Variants in BRD7 observed in about 807,000 individuals in gnomAD.
BRD7 encodes the protein bromodomain-containing protein 7.
BRD7 carries 15 observed loss-of-function variants against 82.1 expected under a neutral mutation model. That is an observed-to-expected ratio of 0.18 (90% confidence interval 0.12 to 0.28). BRD7 has a LOEUF of 0.28. Ranked by LOEUF, BRD7 falls within the 10% of genes least tolerant of loss-of-function variation. The pLI, the probability that BRD7 is intolerant of heterozygous loss-of-function variation, is 1.00. For missense variants in BRD7, 638 were observed against 779.9 expected, an observed-to-expected ratio of 0.82 and a Z score of 2.17; for synonymous variants, 232 against 266.9, an observed-to-expected ratio of 0.87 and a Z score of 1.27.
At chr16:50,333,280 G>T (rs1483785408) in intron 8 of BRD7, among the ~76,000 whole-genome samples, 1 of 152,182 alleles carries the variant, frequency 6.6e-6, no homozygotes, top group African/African-American at 2.4e-5. Context: ...AAGAGGGTAA[G>T]ATTAATCATG....
intron 4 of BRD7, among the ~76,000 whole-genome samples, chr16:50,354,084 G>A (rs762515242): frequency 2.3e-4 from 35 of 152,070 alleles, no homozygotes; most frequent in Non-Finnish European, 4.7e-4. Flanking sequence ...GGCATGATAA[G>A]CATTGTACAA....
chr16:50,319,115 AAC>A lies in BRD7; in HGVS notation c.*94_*95del. ...TTCGCTGTTCCAAAGTTTAATTAAAAACACAATTTACAAATATTTAATATCTT... is the reference window on the plus strand; with the variant it reads ...TTCGCTGTTCCAAAGTTTAATTAAAAACAATTTACAAATATTTAATATCTT... On this transcript the variant is annotated 3_prime_UTR_variant, in exon 17 of 17. Coordinates refer to ENST00000394688, the MANE Select transcript of BRD7 (RefSeq NM_013263.5). 3 of 1,235,336 alleles carry A rather than the reference AAC, an allele frequency of 2.4e-6. No homozygotes were observed. The highest frequency in any genetic ancestry group is 3.4e-6 in the Non-Finnish European group (3 of 879,730). The allele number at this position is 1,235,336 out of a possible 1,614,324, so 76.5% of individuals were successfully genotyped here.
intron 2 of BRD7, among the ~76,000 whole-genome samples, chr16:50,356,775 T>C (rs898703110): frequency 3.9e-5 from 6 of 151,916 alleles, no homozygotes; most frequent in African/African-American, 1.5e-4. Flanking sequence ...TGGCTAAATG[T>C]TGAGATCTGT....
chr16:50,319,305 T>A, intron 16 of BRD7, 39 bp from the exon 17 acceptor site: 2 of 1,592,420 alleles, frequency 1.3e-6, no homozygotes, highest in Non-Finnish European at 8.6e-7. Context: ...ACATTGTTTT[T>A]ACCTTTTAAT....
Position 50,318,983 on chromosome 16 carries a change from A to T in BRD7, c.*228T>A. The T allele has an allele frequency of 2.2e-6, 1 of 453,392 alleles. No individual in the cohort carries two copies. The highest frequency in any genetic ancestry group is 4.0e-6 in the Non-Finnish European group (1 of 252,000). 28.1% of individuals were successfully genotyped at this position (453,392 alleles called of 1,614,324 possible). ...AGAAGCATTGGAAGGCACTATTTTG[A>T]AAGAATGCTGCACAGGTATGGCAAC... is the stretch of plus-strand genomic sequence containing the variant. On this transcript the variant is annotated 3_prime_UTR_variant, in exon 17 of 17. Transcript: ENST00000394688.
At chr16:50,365,038 G>C (rs1190064114) in intron 2 of BRD7, among the ~76,000 whole-genome samples, 1 of 152,216 alleles carries the variant, frequency 6.6e-6, no homozygotes, top group Non-Finnish European at 1.5e-5. Flanking sequence ...TTGCAGAACA[G>C]AGAAAGCAAG....
At chr16:50,319,323 GGGACA>G in intron 16 of BRD7, 57 bp from the exon 17 acceptor site, 1 of 1,546,036 alleles carries the variant, frequency 6.5e-7, no homozygotes, top group Non-Finnish European at 8.9e-7. Context: ...AATTAAAAAG[GGGACA>G]TGAAAGTCAA....
rs113081201 is a variant in BRD7, at chr16:50,322,030, A to T, written c.1452T>A (p.Pro484=). 1 of 1,610,436 alleles carries T rather than the reference A, an allele frequency of 6.2e-7. No homozygotes were observed. Among genetic ancestry groups the T allele is most frequent in the African/African-American group, 1.3e-5 (1 of 74,738 alleles). Residue 484 remains proline (P), a synonymous_variant, in exon 13 of 17, where the codon CCT becomes CCA. Coordinates refer to ENST00000394688, the MANE Select transcript of BRD7 (RefSeq NM_013263.5). ...GTGTCCTAGTATGGCCTTCATCTTC[A>T]GGCAATGACTATAAGGATGAAGAAA... ...RTLQEMEMSL[P]EDEGHTRTLD...
chr16:50,319,836 G>T (rs1304706547), intron 16 of BRD7, 51 bp downstream of exon 16: 2 of 1,578,206 alleles, frequency 1.3e-6, no homozygotes, highest in South Asian at 1.2e-5. Flanking sequence ...ACTGAGGGAT[G>T]ACTATAGTCA....
At chr16:50,320,953 C>T (rs1038834699) in intron 13 of BRD7, among the ~76,000 whole-genome samples, 179 bp from the exon 14 acceptor site, 6 of 152,200 alleles carry the variant, frequency 3.9e-5, no homozygotes, top group Non-Finnish European at 8.8e-5. Context: ...AAATGCTATT[C>T]CCAAATCTTG....
rs1321664373 is a variant in BRD7 at position 50,317,356 on chromosome 16, G to A, written c.*1855C>T. ...ACATGAATACTATACTGAAATCTGT[G>A]CTCTCAAGATCTAGCAGTGACCAGG... On this transcript the variant is annotated 3_prime_UTR_variant, in exon 17 of 17. Coordinates refer to ENST00000394688, the MANE Select transcript of BRD7 (RefSeq NM_013263.5). 1 of 152,356 alleles carries A rather than the reference G, an allele frequency of 6.6e-6. No homozygotes were observed. Among genetic ancestry groups the A allele is most frequent in the Non-Finnish European group, 1.5e-5 (1 of 68,042 alleles). The allele number at this position is 152,356 out of a possible 1,614,324, so 9.4% of individuals were successfully genotyped here.
At chr16:50,319,300 G>A (rs1170535701) in intron 16 of BRD7, 34 bp from the exon 17 acceptor site, 5 of 1,595,344 alleles carry the variant, frequency 3.1e-6, no homozygotes, top group Non-Finnish European at 4.3e-6. Context: ...ATTCAACATT[G>A]TTTTTACCTT....
intron 7 of BRD7, 25 bp from the exon 8 acceptor site, chr16:50,333,722 T>TAAA (rs56370009): frequency 1.7e-4 from 174 of 1,044,446 alleles, no homozygotes; most frequent in East Asian, 4.3e-4. Flanking sequence ...TAATACTAAG[T>TAAA]AAAAAAAAAA....
At position 50,363,905 on chromosome 16, in the gene BRD7, T is replaced by C. The variant is rs1032097911; in HGVS notation, c.258+4185A>G. 2.6e-5 allele frequency among the ~76,000 whole-genome samples: 4 copies of C among 151,920 alleles called. No homozygotes were observed. In the South Asian group the frequency reaches 6.2e-4, roughly 24 times the overall value. On this transcript the variant is annotated intron_variant, in intron 2 of 16. Transcript: ENST00000394688. ...ACCCCATCTTTACAAAAGAATGTTT[T>C]TGAAAAAATTAGCTGGGTGTGGTGA...
At chr16:50,332,675 A>G (rs1018231577) in intron 8 of BRD7, among the ~76,000 whole-genome samples, 3 of 152,200 alleles carry the variant, frequency 2.0e-5, no homozygotes, top group African/African-American at 7.2e-5. Context: ...CAAAAGACAC[A>G]TGCATTTGTA....
Position 50,328,657 on chromosome 16 carries a change from C to T in BRD7, c.1087+12G>A. 2 of 1,610,544 alleles carry T rather than the reference C, an allele frequency of 1.2e-6. No individual in the cohort carries two copies. The highest frequency in any genetic ancestry group is 1.7e-6 in the Non-Finnish European group (2 of 1,178,570). On this transcript the variant is annotated intron_variant, in intron 9 of 16. Transcript: ENST00000394688. The stretch of plus-strand genomic sequence containing the variant: ...AGCATCAAGTTCATGCACAGTTTTA[C>T]TCTGATCCTACCTCCTACAATGGGA...
At chr16:50,356,497 AT>A (rs1175994062) in intron 2 of BRD7, among the ~76,000 whole-genome samples, 1 of 152,224 alleles carries the variant, frequency 6.6e-6, no homozygotes, top group Non-Finnish European at 1.5e-5. Context: ...TTCAGAAACA[AT>A]GTCTGAAGAA....
At chr16:50,334,956 T>C (rs1410426710) in intron 6 of BRD7, 61 bp from the exon 7 acceptor site, 1 of 1,005,542 alleles carries the variant, frequency 9.9e-7, no homozygotes, top group African/African-American at 1.5e-5. Flanking sequence ...AGTAATGCAT[T>C]TTTTTCCCCA....
At chr16:50,326,621 T>C (rs1160650224) in intron 9 of BRD7, among the ~76,000 whole-genome samples, 1 of 152,236 alleles carries the variant, frequency 6.6e-6, no homozygotes, top group East Asian at 1.9e-4. Flanking sequence ...CTTCCTGGAA[T>C]TCTTTATAAT....
Sources: allele counts gnomAD v4.1 joint callset (sites outside exome capture counted in the v4.1 genomes callset), GRCh38; gene constraint gnomAD v4.1.1; transcripts MANE v1.5; gene names NCBI Gene and HGNC (gene_info 2026-07-23, HGNC 2026-07-21).